The following NUDT3 variants were observed in gnomAD, a reference collection of about 807,000 sequenced individuals.
The protein encoded by NUDT3 is nudix hydrolase 3.
In NUDT3, 9 loss-of-function variants were observed where a neutral mutation model predicts 23.6. That is an observed-to-expected ratio of 0.38 (90% CI 0.23 to 0.66). The LOEUF (loss-of-function observed/expected upper bound fraction) is 0.66. NUDT3 is among the 30% of genes least tolerant of loss of function. The pLI is 0.52. For missense variants in NUDT3, 172 were observed against 218.5 expected (o/e 0.79, Z 1.34); for synonymous variants, 86 against 82.6 (o/e 1.04, Z -0.22).
chr6:34,375,048 A>G (rs1435628974), intron 1 of NUDT3, among the ~76,000 whole-genome samples: 10 of 152,204 alleles, frequency 6.6e-5, no homozygotes, highest in Admixed American at 6.5e-4. Context: ...CCACTAGGTA[A>G]TAAGTTACCA....
chr6:34,289,497 G>A (rs1420682025), intron 4 of NUDT3, among the ~76,000 whole-genome samples: 1 of 152,190 alleles, frequency 6.6e-6, no homozygotes, highest in Admixed American at 6.5e-5. Context: ...AGCCCGGAAG[G>A]TCGCGGCTGC....
chr6:34,343,534 C>A, intron 1 of NUDT3, among the ~76,000 whole-genome samples: 1 of 146,078 alleles, frequency 6.8e-6, no homozygotes, highest in Non-Finnish European at 1.5e-5. Flanking sequence ...GAGTGAGACC[C>A]CCATCTCAAA....
chr6:34,344,299 C>A (rs1259693351), intron 1 of NUDT3, among the ~76,000 whole-genome samples: 1 of 151,908 alleles, frequency 6.6e-6, no homozygotes, highest in South Asian at 2.1e-4. Context: ...CTCAAATATC[C>A]AATAAGAGTG....
At position 34,280,224 on chromosome 6, in the gene NUDT3, G is replaced by A. The variant is rs530231622; in HGVS notation, c.*8529C>T. The A allele has an allele frequency of 2.0e-5, 3 of 152,352 alleles. No homozygotes were observed. The highest frequency in any genetic ancestry group is 4.4e-5 in the Non-Finnish European group (3 of 68,048). 9.4% of individuals were successfully genotyped at this position (152,352 alleles called of 1,614,324 possible). On this transcript the variant is annotated 3_prime_UTR_variant, in exon 5 of 5. Transcript: ENST00000607016. ...TTCACTCCCCTCAGCTCCAGAGAGT[G>A]CTGCAAAAATCTTCCTTAGGGACGC...
At chr6:34,315,287 A>C (rs1254927945) in intron 2 of NUDT3, among the ~76,000 whole-genome samples, 1 of 152,234 alleles carries the variant, frequency 6.6e-6, no homozygotes, top group Non-Finnish European at 1.5e-5. Context: ...CAGAACTGCC[A>C]GTTTCAGTTT....
chr6:34,312,370 C>A (rs1349197952), intron 2 of NUDT3, among the ~76,000 whole-genome samples: 3 of 150,842 alleles, frequency 2.0e-5, no homozygotes, highest in African/African-American at 7.3e-5. Context: ...CCACTGCACT[C>A]CAGCCTGGGC....
At chr6:34,380,959 G>T (rs188726054) in intron 1 of NUDT3, among the ~76,000 whole-genome samples, 1 of 151,986 alleles carries the variant, frequency 6.6e-6, no homozygotes, top group East Asian at 1.9e-4. Context: ...TTCTTCAAAG[G>T]CTTCTCCAAT....
intron 1 of NUDT3, among the ~76,000 whole-genome samples, chr6:34,356,025 G>A (rs1351412229): frequency 1.3e-5 from 2 of 152,152 alleles, no homozygotes; most frequent in East Asian, 3.9e-4. Context: ...TCTCAAGAGA[G>A]AAAGCATGAC....
chr6:34,352,461 T>A (rs927452484), intron 1 of NUDT3, among the ~76,000 whole-genome samples: 1 of 152,170 alleles, frequency 6.6e-6, no homozygotes, highest in Admixed American at 6.6e-5. Flanking sequence ...TGAGCCACCA[T>A]CCCTGGGCCT....
intron 1 of NUDT3, among the ~76,000 whole-genome samples, chr6:34,386,096 T>G (rs1765102510): frequency 6.6e-6 from 1 of 152,254 alleles, no homozygotes; most frequent in South Asian, 2.1e-4. Flanking sequence ...TCACACAATT[T>G]GGCAGCTGGG....
intron 2 of NUDT3, among the ~76,000 whole-genome samples, chr6:34,308,119 C>CAAAAAAAAAAA (rs533055608): frequency 8.3e-5 from 5 of 60,140 alleles, no homozygotes; most frequent in East Asian, 3.2e-4. Context: ...AACTCTGTCT[C>CAAAAAAAAAAA]AAAAAAAAAA....
At chr6:34,378,281 A>T (rs1044495050) in intron 1 of NUDT3, among the ~76,000 whole-genome samples, 12 of 151,998 alleles carry the variant, frequency 7.9e-5, no homozygotes, top group African/African-American at 2.9e-4. Flanking sequence ...CCAGCCTGGG[A>T]GACAGAGCAA....
intron 2 of NUDT3, among the ~76,000 whole-genome samples, chr6:34,329,532 T>A (rs1581869402): frequency 6.6e-6 from 1 of 152,140 alleles, no homozygotes. Context: ...CCGCCTGCCT[T>A]GGCCTCCCAA....
chr6:34,367,413 C>T lies in NUDT3; in HGVS notation c.99+24851G>A, dbSNP rs562434297. 1.4e-3 allele frequency among the ~76,000 whole-genome samples: 209 copies of T among 150,330 alleles called. 1 individual carries two copies. Among genetic ancestry groups the T allele is most frequent in the East Asian group, 0.013 (67 of 5,020 alleles). On this transcript the variant is annotated intron_variant, in intron 1 of 4. Transcript: ENST00000607016. ...AAGACAATTGCTTGAACCTGGGAGG[C>T]GGAGGTTGCAGCGAGCCGAGATCGC...
intron 2 of NUDT3, among the ~76,000 whole-genome samples, chr6:34,299,030 T>C (rs1323719820): frequency 1.3e-5 from 2 of 152,188 alleles, no homozygotes; most frequent in Non-Finnish European, 2.9e-5. Flanking sequence ...TATCTTACTT[T>C]TTCACAATTT....
chr6:34,312,435 A>T (rs900045817), intron 2 of NUDT3, among the ~76,000 whole-genome samples: 9 of 152,080 alleles, frequency 5.9e-5, no homozygotes, highest in Non-Finnish European at 1.2e-4. Flanking sequence ...AAAATCTAAA[A>T]CACTGACAAC....
intron 1 of NUDT3, among the ~76,000 whole-genome samples, chr6:34,360,658 G>T (rs1764636213): frequency 6.6e-6 from 1 of 152,118 alleles, no homozygotes; most frequent in Non-Finnish European, 1.5e-5. Flanking sequence ...ACTGGAAAAA[G>T]TTACTCTTAT....
intron 1 of NUDT3, among the ~76,000 whole-genome samples, chr6:34,381,524 AACCCACAGAAAT>A (rs1765017850): frequency 6.6e-6 from 1 of 152,156 alleles, no homozygotes; most frequent in Non-Finnish European, 1.5e-5. Context: ...TACAAAAAAA[AACCCACAGAAAT>A]ACAATTATTA....
chr6:34,389,311 C>T (rs189393186), intron 1 of NUDT3, among the ~76,000 whole-genome samples: 2 of 152,342 alleles, frequency 1.3e-5, no homozygotes, highest in Admixed American at 1.3e-4. Flanking sequence ...CCTTCTCTCT[C>T]TCCTGCTGCC....
Sources: allele counts gnomAD v4.1 joint callset (sites outside exome capture counted in the v4.1 genomes callset), GRCh38; gene constraint gnomAD v4.1.1; transcripts MANE v1.5; gene names NCBI Gene and HGNC (gene_info 2026-07-23, HGNC 2026-07-21).